The following RSPRY1 variants were observed in gnomAD, a reference collection of about 807,000 sequenced individuals.
The protein encoded by RSPRY1 is RING finger and SPRY domain-containing protein 1.
In RSPRY1, 23 loss-of-function variants were observed where a neutral mutation model predicts 73.1. The observed-to-expected ratio is 0.31, with a 90% CI of 0.23 to 0.45. The LOEUF (loss-of-function observed/expected upper bound fraction) is 0.45. Among genes scored for constraint, RSPRY1 ranks in the 20% least tolerant of loss-of-function variants. The pLI, the probability that RSPRY1 is intolerant of heterozygous loss-of-function variation, is 1.00. For synonymous variants in RSPRY1, 226 were observed against 251.4 expected (o/e 0.90, Z 0.95); for missense variants, 448 against 698.7 (o/e 0.64, Z 4.05).
chr16:57,222,484 G>A (rs1007741258), intron 10 of RSPRY1, among the ~76,000 whole-genome samples: 1 of 152,206 alleles, frequency 6.6e-6, no homozygotes, highest in Admixed American at 6.5e-5. Context: ...CTAGGCTGGA[G>A]AGAGACAAAT....
Position 57,238,868 on chromosome 16 carries a change from T to C in RSPRY1, c.1635-11T>C, listed in dbSNP as rs759501519. ...CATTAACTTGACTGACTTTTCTGTG[T>C]TTCTCCCCAGTGACCTGTGCATGGA... On this transcript the variant is annotated splice_polypyrimidine_tract_variant and intron_variant, in intron 14 of 14. Transcript: ENST00000394420. 6.5e-7 allele frequency: 1 copy of C among 1,534,500 alleles called. No homozygotes were observed. The highest frequency in any genetic ancestry group is 1.3e-5 in the South Asian group (1 of 77,922).
chr16:57,204,902 C>T lies in RSPRY1; in HGVS notation c.244C>T (p.Arg82Trp), dbSNP rs200887019. The change falls in exon 2 of 15, where the codon CGG becomes TGG. Residue 82 changes from arginine to tryptophan, a missense_variant. Physicochemically the swap from Arg to Trp is moderately radical, Grantham distance 101. Coordinates refer to ENST00000394420, the MANE Select transcript of RSPRY1 (RefSeq NM_133368.3). The stretch of plus-strand genomic sequence containing the variant: ...AAGGAGCCAACCACGGGACCCTGTT[C>T]GGCCACCAAGGAGGGGCCGAGGACC... The part of the protein sequence containing the change: ...DTRSQPRDPV[R>W]PPRRGRGPHE... 15 of 1,614,000 alleles carry T rather than the reference C, an allele frequency of 9.3e-6. No individual in the cohort carries two copies. Among genetic ancestry groups the T allele is most frequent in the East Asian group, 2.2e-5 (1 of 44,892 alleles).
rs55701001 is a variant in RSPRY1, at chr16:57,202,878, T to TTATATATATATATATATATATATA, written c.-155-1620_-155-1597dup. On this transcript the variant is annotated intron_variant, in intron 1 of 14. Coordinates refer to ENST00000394420, the MANE Select transcript of RSPRY1 (RefSeq NM_133368.3). ...TTTATATATATTTTATTACATATGA[T>TTATATATATATATATATATATATA]TATATATATATATATATATATATAT... is the stretch of plus-strand genomic sequence containing the variant. Among the ~76,000 whole-genome samples, 75 of 131,588 alleles carry TTATATATATATATATATATATATA rather than the reference T, an allele frequency of 5.7e-4. 1 individual carries two copies. The highest frequency in any genetic ancestry group is 5.0e-3 in the East Asian group (18 of 3,626). 86.3% of individuals were successfully genotyped at this position (131,588 alleles called of 152,430 possible).
intron 1 of RSPRY1, among the ~76,000 whole-genome samples, chr16:57,197,344 A>G (rs1173260053): frequency 2.6e-5 from 4 of 152,190 alleles, no homozygotes; most frequent in African/African-American, 4.8e-5. Flanking sequence ...TGTAGCCCTC[A>G]AGAGTACTCT....
intron 1 of RSPRY1, among the ~76,000 whole-genome samples, chr16:57,201,723 A>G (rs958262642): frequency 2.0e-5 from 3 of 152,118 alleles, no homozygotes; most frequent in Admixed American, 6.5e-5. Flanking sequence ...TCGGGAGGCC[A>G]AGGCTGGCGG....
chr16:57,204,414 C>T, intron 1 of RSPRY1, 90 bp from the exon 2 acceptor site: 1 of 439,114 alleles, frequency 2.3e-6, no homozygotes, highest in Non-Finnish European at 4.1e-6. Context: ...CATTAGAATC[C>T]TAATATCTAT....
intron 9 of RSPRY1, among the ~76,000 whole-genome samples, 165 bp downstream of exon 9, chr16:57,221,012 G>A (rs2075026105): frequency 6.6e-6 from 1 of 152,164 alleles, no homozygotes; most frequent in Non-Finnish European, 1.5e-5. Context: ...TGAACAGAAG[G>A]TACCATAAGG....
chr16:57,236,728 C>T (rs924589138), intron 14 of RSPRY1, among the ~76,000 whole-genome samples: 17 of 152,070 alleles, frequency 1.1e-4, no homozygotes, highest in Non-Finnish European at 2.2e-4. Flanking sequence ...AGTAATCATA[C>T]CAAAAGCTGA....
chr16:57,186,501 CGGGAGG>C (rs2074185471), intron 1 of RSPRY1, 50 bp downstream of exon 1: 1 of 152,584 alleles, frequency 6.6e-6, no homozygotes, highest in African/African-American at 2.4e-5. Flanking sequence ...GCACGCGGAA[CGGGAGG>C]GAGTCTGAGG....
chr16:57,204,204 G>A (rs931480011), intron 1 of RSPRY1, among the ~76,000 whole-genome samples: 4 of 151,544 alleles, frequency 2.6e-5, no homozygotes, highest in Non-Finnish European at 5.9e-5. Flanking sequence ...TCCTTCTAAT[G>A]TATTTCTATA....
intron 4 of RSPRY1, among the ~76,000 whole-genome samples, chr16:57,212,109 C>T (rs1222502982): frequency 6.6e-6 from 1 of 152,064 alleles, no homozygotes; most frequent in African/African-American, 2.4e-5. Flanking sequence ...GCCAGGAGTT[C>T]AAGACCAGCC....
intron 1 of RSPRY1, among the ~76,000 whole-genome samples, chr16:57,196,403 T>C (rs1191013870): frequency 6.6e-6 from 1 of 152,218 alleles, no homozygotes; most frequent in African/African-American, 2.4e-5. Context: ...GTTCAGTCGG[T>C]GTGTCCTTCC....
chr16:57,220,945 C>A, intron 9 of RSPRY1, 98 bp downstream of exon 9: 2 of 863,702 alleles, frequency 2.3e-6, no homozygotes, highest in Non-Finnish European at 3.7e-6. Flanking sequence ...GCTTCCCACT[C>A]TCCCTGTATT....
intron 1 of RSPRY1, among the ~76,000 whole-genome samples, chr16:57,190,911 G>C (rs2074341778): frequency 6.6e-6 from 1 of 152,184 alleles, no homozygotes; most frequent in Non-Finnish European, 1.5e-5. Flanking sequence ...ATAAATAGTG[G>C]TGGCCTCTTA....
chr16:57,237,673 CTCTT>C (rs1362392331), intron 14 of RSPRY1, among the ~76,000 whole-genome samples: 2 of 151,774 alleles, frequency 1.3e-5, no homozygotes, highest in African/African-American at 4.8e-5. Flanking sequence ...ATGCTAGTAT[CTCTT>C]TATTTTTTTA....
intron 2 of RSPRY1, among the ~76,000 whole-genome samples, chr16:57,206,772 C>T (rs1444394328): frequency 6.6e-6 from 1 of 152,054 alleles, no homozygotes; most frequent in Non-Finnish European, 1.5e-5. Context: ...GCCATGTTGC[C>T]CAGGCTGGTC....
intron 2 of RSPRY1, 98 bp downstream of exon 2, chr16:57,205,106 C>A: frequency 1.2e-6 from 1 of 838,560 alleles, no homozygotes; most frequent in Non-Finnish European, 1.9e-6. Context: ...GACATACTCG[C>A]CAAGCCTTGT....
chr16:57,233,096 A>G (rs1041067666), intron 13 of RSPRY1, among the ~76,000 whole-genome samples: 1 of 152,164 alleles, frequency 6.6e-6, no homozygotes, highest in Non-Finnish European at 1.5e-5. Context: ...CTTTATATTC[A>G]TTGGAATATT....
chr16:57,214,853 A>C (rs554333436), intron 6 of RSPRY1, among the ~76,000 whole-genome samples: 7 of 152,314 alleles, frequency 4.6e-5, no homozygotes, highest in African/African-American at 1.7e-4. Flanking sequence ...ACATGGCGAA[A>C]CCTGGTCCCT....
Sources: allele counts gnomAD v4.1 joint callset (sites outside exome capture counted in the v4.1 genomes callset), GRCh38; gene constraint gnomAD v4.1.1; transcripts MANE v1.5; gene names NCBI Gene and HGNC (gene_info 2026-07-23, HGNC 2026-07-21).